HDAC9: variants seen among roughly 807,000 people sequenced by gnomAD.
HDAC9 encodes the protein histone deacetylase 9.
In HDAC9, 41 loss-of-function variants were observed where a neutral mutation model predicts 139.4. The ratio of observed to expected loss-of-function variants is 0.29; its 90% CI spans 0.23 to 0.38. HDAC9 has a LOEUF of 0.38. Among genes scored for constraint, HDAC9 ranks in the 10% least tolerant of loss-of-function variants. The pLI is 1.00. For synonymous variants in HDAC9, 517 were observed against 476.2 expected (o/e 1.09, Z -1.12); for missense variants, 1,147 against 1,297.0 (o/e 0.88, Z 1.78).
chr7:18,253,752 G>A (rs1795069741), intron 2 of HDAC9, among the ~76,000 whole-genome samples: 1 of 152,156 alleles, frequency 6.6e-6, no homozygotes, highest in South Asian at 2.1e-4. Context: ...TCCACTGATA[G>A]GCTTCACTAT....
rs56690120 is a variant in HDAC9, at chr7:18,207,539, C to CTTTTTTTTTTTTTT, written c.25+45195_25+45208dup. On this transcript the variant is annotated intron_variant, in intron 2 of 12. Transcript: ENST00000417496. ...CTCTCACCTCATCTGCCCAAGGAGT[C>CTTTTTTTTTTTTTT]TTTTTTTTTTTTTTTTTTGATTTGA... Among the ~76,000 whole-genome samples the CTTTTTTTTTTTTTT allele has an allele frequency of 1.7e-3, 91 of 53,734 alleles. 21 individuals carry two copies. The highest frequency in any genetic ancestry group is 3.2e-3 in the African/African-American group (41 of 12,780). 35.3% of individuals were successfully genotyped at this position (53,734 alleles called of 152,430 possible).
At chr7:18,458,259 C>T (rs1793524736) in intron 1 of HDAC9, among the ~76,000 whole-genome samples, 1 of 152,088 alleles carries the variant, frequency 6.6e-6, no homozygotes, top group Non-Finnish European at 1.5e-5. Context: ...GAAATGAAAA[C>T]CTGAACTAGG....
intron 1 of HDAC9, among the ~76,000 whole-genome samples, chr7:18,159,283 C>G (rs1390655356): frequency 6.6e-6 from 1 of 152,030 alleles, no homozygotes; most frequent in African/African-American, 2.4e-5. Context: ...TTGTTATCTA[C>G]CTACCTGAAG....
intron 2 of HDAC9, among the ~76,000 whole-genome samples, chr7:18,203,704 T>TA (rs1791295416): frequency 6.6e-6 from 1 of 152,152 alleles, no homozygotes; most frequent in African/African-American, 2.4e-5. Flanking sequence ...GTTGAATGCC[T>TA]AAAAAAATGT....
intron 19 of HDAC9, among the ~76,000 whole-genome samples, chr7:18,830,364 C>T (rs560119414): frequency 6.6e-6 from 1 of 152,140 alleles, no homozygotes; most frequent in Non-Finnish European, 1.5e-5. Flanking sequence ...GGAAATGAAC[C>T]CTGGCATCCA....
At chr7:18,913,123 A>G (rs529766220) in intron 22 of HDAC9, among the ~76,000 whole-genome samples, 38 of 152,242 alleles carry the variant, frequency 2.5e-4, no homozygotes, top group Admixed American at 2.0e-3. Context: ...CAAAGGCTGT[A>G]TAAGTATATA....
intron 2 of HDAC9, among the ~76,000 whole-genome samples, chr7:18,273,396 A>G (rs1185367070): frequency 6.6e-6 from 1 of 152,100 alleles, no homozygotes; most frequent in African/African-American, 2.4e-5. Flanking sequence ...CATAAGGTAT[A>G]TTGTGTATAG....
At chr7:18,620,769 A>G (rs899025985) in intron 6 of HDAC9, among the ~76,000 whole-genome samples, 2 of 151,964 alleles carry the variant, frequency 1.3e-5, no homozygotes, top group Non-Finnish European at 2.9e-5. Context: ...CGGCCCCGAT[A>G]TTGTCTTCCC....
At chr7:18,839,563 A>G (rs973207515) in intron 21 of HDAC9, among the ~76,000 whole-genome samples, 5 of 152,090 alleles carry the variant, frequency 3.3e-5, no homozygotes, top group East Asian at 3.8e-4. Context: ...CAGAGAAGAA[A>G]GAGGGAATAA....
intron 1 of HDAC9, among the ~76,000 whole-genome samples, chr7:18,161,421 G>A (rs535309929): frequency 6.6e-5 from 10 of 152,292 alleles, no homozygotes; most frequent in African/African-American, 2.4e-4. Context: ...TACAACATCT[G>A]TCTATAAAAA....
intron 1 of HDAC9, among the ~76,000 whole-genome samples, chr7:18,455,966 A>G (rs1793304999): frequency 6.6e-6 from 1 of 152,194 alleles, no homozygotes; most frequent in Non-Finnish European, 1.5e-5. Flanking sequence ...ATTATTTCTA[A>G]AAGAAACAGA....
intron 2 of HDAC9, among the ~76,000 whole-genome samples, chr7:18,530,575 T>C (rs1808581029): frequency 6.6e-6 from 1 of 152,114 alleles, no homozygotes; most frequent in Non-Finnish European, 1.5e-5. Flanking sequence ...AAGAAACTTG[T>C]TGAGAAGTCT....
intron 7 of HDAC9, among the ~76,000 whole-genome samples, chr7:18,629,954 A>T (rs73309485): frequency 1.1e-3 from 174 of 152,244 alleles, no homozygotes; most frequent in African/African-American, 4.1e-3. Context: ...AAATGACTTT[A>T]TGTGTTTACT....
chr7:18,904,572 CTTTTTTTTTTTT>C (rs71017010), intron 22 of HDAC9, among the ~76,000 whole-genome samples: 1 of 71,942 alleles, frequency 1.4e-5, no homozygotes, highest in Non-Finnish European at 2.4e-5. Context: ...CTCCCCATTT[CTTTTTTTTTTTT>C]TTTTTTTTTT....
chr7:18,299,347 T>C (rs1798382990), intron 1 of HDAC9, among the ~76,000 whole-genome samples: 1 of 152,020 alleles, frequency 6.6e-6, no homozygotes, highest in South Asian at 2.1e-4. Flanking sequence ...CGCCTTTGGG[T>C]AATGTATTGG....
At chr7:18,248,890 T>G (rs1047493770) in intron 2 of HDAC9, among the ~76,000 whole-genome samples, 1 of 152,254 alleles carries the variant, frequency 6.6e-6, no homozygotes, top group African/African-American at 2.4e-5. Context: ...TCAAAAAATA[T>G]ATAAAGACAG....
rs573072163 is a variant in HDAC9 at position 18,541,796 on chromosome 7, T to A, written c.23-43485T>A. Among the ~76,000 whole-genome samples, 18 of 152,312 alleles carry A rather than the reference T, an allele frequency of 1.2e-4. No individual in the cohort carries two copies. The South Asian group carries it at 3.7e-3, about 32-fold the overall frequency. On this transcript the variant is annotated intron_variant, in intron 2 of 25. Transcript: ENST00000686413. ...AATTTGATGGCAAGCAGACTGTGAGTGGAATTTTAGATAACAACATATGTT... is the reference window on the plus strand; with the variant it reads ...AATTTGATGGCAAGCAGACTGTGAGAGGAATTTTAGATAACAACATATGTT...
At chr7:18,871,228 A>G (rs1010571947) in intron 21 of HDAC9, among the ~76,000 whole-genome samples, 2 of 152,136 alleles carry the variant, frequency 1.3e-5, no homozygotes, top group Non-Finnish European at 2.9e-5. Flanking sequence ...AAGTGCTTTC[A>G]TATTGGTTCA....
chr7:18,425,089 G>A (rs1425863355), intron 1 of HDAC9, among the ~76,000 whole-genome samples: 2 of 152,090 alleles, frequency 1.3e-5, no homozygotes, highest in African/African-American at 4.8e-5. Flanking sequence ...TTGAGGTGTA[G>A]TACACCAATT....
Sources: allele counts gnomAD v4.1 joint callset (sites outside exome capture counted in the v4.1 genomes callset), GRCh38; gene constraint gnomAD v4.1.1; transcripts MANE v1.5; gene names NCBI Gene and HGNC (gene_info 2026-07-23, HGNC 2026-07-21).